Variants in SPIDR observed in about 807,000 individuals in gnomAD.
SPIDR encodes scaffold protein involved in DNA repair.
SPIDR carries 93 observed loss-of-function variants against 104.6 expected under a neutral mutation model. The observed-to-expected ratio is 0.89, with a 90% CI of 0.75 to 1.06. The LOEUF (loss-of-function observed/expected upper bound fraction) is 1.06, where lower values mean the gene tolerates loss of function less well. Ranked by LOEUF, SPIDR falls within the 50% of genes least tolerant of loss-of-function variation. The pLI is 0.00. For synonymous variants in SPIDR, 431 were observed against 416.9 expected (o/e 1.03, Z -0.41); for missense variants, 1,154 against 1,111.2 (o/e 1.04, Z -0.55).
intron 8 of SPIDR, among the ~76,000 whole-genome samples, chr8:47,525,899 A>C (rs1241834408): frequency 6.6e-6 from 1 of 152,104 alleles, no homozygotes; most frequent in Non-Finnish European, 1.5e-5. Flanking sequence ...ATTTGTGGGA[A>C]GTGTGGGGGG....
intron 8 of SPIDR, among the ~76,000 whole-genome samples, chr8:47,476,134 T>C (rs1420065650): frequency 6.6e-6 from 1 of 152,206 alleles, no homozygotes; most frequent in Non-Finnish European, 1.5e-5. Context: ...GTAGCCATTG[T>C]GTTACAGTGT....
At chr8:47,658,456 ACAAAT>A (rs1333011713) in intron 10 of SPIDR, among the ~76,000 whole-genome samples, 1 of 152,124 alleles carries the variant, frequency 6.6e-6, no homozygotes, top group Non-Finnish European at 1.5e-5. Context: ...CCGGCAATAA[ACAAAT>A]CAAAGTCCAG....
intron 7 of SPIDR, 142 bp from the exon 8 acceptor site, chr8:47,440,181 T>C (rs147316353): frequency 1.6e-5 from 11 of 672,438 alleles, no homozygotes; most frequent in Non-Finnish European, 2.8e-5. Flanking sequence ...GTCTCTGTTT[T>C]ACTTTGCAAA....
intron 8 of SPIDR, among the ~76,000 whole-genome samples, chr8:47,540,359 T>C (rs983735213): frequency 1.3e-5 from 2 of 152,248 alleles, no homozygotes; most frequent in Admixed American, 6.5e-5. Context: ...GTAAAATTGG[T>C]TATTTTAACT....
chr8:47,357,231 T>C (rs1554626351), intron 5 of SPIDR, among the ~76,000 whole-genome samples: 1 of 152,242 alleles, frequency 6.6e-6, no homozygotes, highest in Non-Finnish European at 1.5e-5. Flanking sequence ...CTTGTTCATC[T>C]TTTACTAAGA....
intron 8 of SPIDR, among the ~76,000 whole-genome samples, chr8:47,499,685 C>T (rs192659022): frequency 1.1e-4 from 16 of 151,922 alleles, no homozygotes; most frequent in East Asian, 3.9e-4. Context: ...ATGTGCACAA[C>T]GTGCAGGTTA....
chr8:47,334,515 C>G (rs1283638673), intron 5 of SPIDR, among the ~76,000 whole-genome samples: 1 of 152,138 alleles, frequency 6.6e-6, no homozygotes, highest in African/African-American at 2.4e-5. Context: ...GGTAATGCCC[C>G]TCTTTATCCT....
intron 5 of SPIDR, among the ~76,000 whole-genome samples, chr8:47,364,416 A>G (rs966929149): frequency 6.6e-6 from 1 of 152,222 alleles, no homozygotes. Flanking sequence ...AGTAATCAAA[A>G]GAACCCTGGC....
chr8:47,579,818 C>G (rs1323624920), intron 8 of SPIDR, among the ~76,000 whole-genome samples: 1 of 152,176 alleles, frequency 6.6e-6, no homozygotes, highest in Admixed American at 6.5e-5. Context: ...CTTCCCTTTC[C>G]CATATGTTGG....
In SPIDR at chr8:47,307,700, G is replaced by A. The variant is rs782442368; in HGVS notation, c.525+13670G>A. On this transcript the variant is annotated intron_variant, in intron 5 of 19. Transcript: ENST00000297423. ...ATTACAGGCGTGTGCCACCATGCCC[G>A]GCTAATTTTTGTATTTTTAGTAGAG... Among the ~76,000 whole-genome samples, 3 of 150,868 alleles carry A rather than the reference G, an allele frequency of 2.0e-5. No individual in the cohort carries two copies. In the South Asian group the frequency reaches 6.3e-4, roughly 32 times the overall value.
intron 5 of SPIDR, among the ~76,000 whole-genome samples, chr8:47,331,677 C>T (rs2048690059): frequency 6.6e-6 from 1 of 152,132 alleles, no homozygotes. Context: ...ACTTAGACTA[C>T]ACTAAACTTA....
chr8:47,493,779 G>T (rs1262788059), intron 8 of SPIDR, among the ~76,000 whole-genome samples: 2 of 152,066 alleles, frequency 1.3e-5, no homozygotes, highest in Admixed American at 1.3e-4. Context: ...AGATTTTGAA[G>T]GTTTTGGGTT....
At chr8:47,724,305 T>C (rs1244531931) in intron 16 of SPIDR, among the ~76,000 whole-genome samples, 1 of 152,114 alleles carries the variant, frequency 6.6e-6, no homozygotes, top group African/African-American at 2.4e-5. Context: ...ATAACAAAGA[T>C]TATCCAAGCC....
chr8:47,573,164 C>T (rs925947260), intron 8 of SPIDR, among the ~76,000 whole-genome samples: 1 of 152,118 alleles, frequency 6.6e-6, no homozygotes, highest in African/African-American at 2.4e-5. Flanking sequence ...AGTGAAGTTA[C>T]GAGTGAAAAG....
At chr8:47,621,289 T>C (rs898766278) in intron 10 of SPIDR, among the ~76,000 whole-genome samples, 2 of 152,246 alleles carry the variant, frequency 1.3e-5, no homozygotes, top group Admixed American at 6.5e-5. Context: ...CACAATGTTA[T>C]TGTGACCATC....
intron 14 of SPIDR, among the ~76,000 whole-genome samples, chr8:47,709,429 G>A (rs771831353): frequency 1.3e-5 from 2 of 150,028 alleles, no homozygotes; most frequent in African/African-American, 4.9e-5. Flanking sequence ...CGTAAGCCAC[G>A]GCGCCCAGCC....
At chr8:47,563,655 A>G (rs1038339839) in intron 8 of SPIDR, among the ~76,000 whole-genome samples, 1 of 152,204 alleles carries the variant, frequency 6.6e-6, no homozygotes, top group African/African-American at 2.4e-5. Flanking sequence ...TAGAATCTGC[A>G]AGGGTCCAGA....
intron 14 of SPIDR, 144 bp downstream of exon 14, chr8:47,702,159 G>A: frequency 3.0e-6 from 3 of 1,000,574 alleles, no homozygotes; most frequent in South Asian, 2.9e-5. Context: ...TTATTAAAGG[G>A]TAATCTCCTT....
At chr8:47,728,569 C>T (rs564351622) in intron 17 of SPIDR, among the ~76,000 whole-genome samples, 4 of 152,238 alleles carry the variant, frequency 2.6e-5, no homozygotes, top group African/African-American at 9.6e-5. Flanking sequence ...TGCAGGCATG[C>T]AGGGTAGCAC....
Sources: allele counts gnomAD v4.1 joint callset (sites outside exome capture counted in the v4.1 genomes callset), GRCh38; gene constraint gnomAD v4.1.1; transcripts MANE v1.5; gene names NCBI Gene and HGNC (gene_info 2026-07-23, HGNC 2026-07-21).